The following ANKRD2 variants were observed in gnomAD, a reference collection of about 807,000 sequenced individuals.
The protein encoded by ANKRD2 is ankyrin repeat domain 2.
A neutral mutation model predicts 37.3 loss-of-function variants in ANKRD2; 35 were observed. The ratio of observed to expected loss-of-function variants is 0.94; its 90% confidence interval spans 0.72 to 1.24. The LOEUF (loss-of-function observed/expected upper bound fraction) is 1.24, where lower values mean the gene tolerates loss of function less well. ANKRD2 is among the 50% of genes most tolerant of loss of function. The probability of loss-of-function intolerance (pLI) is 0.00; values close to 1 mark genes in which losing one functional copy is unlikely to be tolerated. For synonymous variants in ANKRD2, 159 were observed against 186.5 expected (o/e 0.85, Z 1.20); for missense variants, 410 against 445.6 (o/e 0.92, Z 0.72).
Position 97,578,344 on chromosome 10 carries a change from G to C in ANKRD2, c.294G>C (p.Lys98Asn). The stretch of plus-strand genomic sequence containing the variant: ...AGCTGCGGAAGAAACGCAAGCAGAA[G>C]AAGCGGGACGCTCTGGCCGCCTCGC... ...LIELRKKRKQKKRDALAASHE... is the reference protein window; with the variant it reads ...LIELRKKRKQNKRDALAASHE... The change falls in exon 3 of 9, where the codon AAG (lysine) becomes AAC (asparagine). Residue 98 changes from lysine to asparagine, a missense_variant. Coordinates refer to ENST00000370655, the MANE Select transcript of ANKRD2 (RefSeq NM_001346793.2). 1.2e-6 allele frequency: 2 copies of C among 1,613,626 alleles called. No homozygotes were observed. The highest frequency in any genetic ancestry group is 1.7e-6 in the Non-Finnish European group (2 of 1,179,924).
At chr10:97,582,790 T>A in intron 8 of ANKRD2, 88 bp downstream of exon 8, 1 of 1,172,348 alleles carries the variant, frequency 8.5e-7, no homozygotes, top group South Asian at 1.3e-5. Context: ...AGCCCCCGCC[T>A]AGGGACATGT....
chr10:97,572,782 G>A lies in ANKRD2; in HGVS notation c.-7G>A, dbSNP rs2040775516. The A allele has an allele frequency of 6.3e-7, 1 of 1,594,126 alleles. No homozygotes were observed. On this transcript the variant is annotated 5_prime_UTR_variant, in exon 1 of 9. Coordinates refer to ENST00000370655, the MANE Select transcript of ANKRD2 (RefSeq NM_001346793.2). ...CCCCCGAGGCCCTGTGGCCTGCAGA[G>A]GCGGTTATGGACGGCACCATGGAGG...
chr10:97,577,980 G>A, intron 2 of ANKRD2, 79 bp downstream of exon 2: 1 of 1,381,614 alleles, frequency 7.2e-7, no homozygotes, highest in Non-Finnish European at 9.8e-7. Flanking sequence ...CTCCCCACGT[G>A]GCCCATGGAC....
chr10:97,583,486 G>T, intron 8 of ANKRD2, 90 bp from the exon 9 acceptor site: 1 of 1,256,392 alleles, frequency 8.0e-7, no homozygotes, highest in South Asian at 1.5e-5. Context: ...AGCACTGGTG[G>T]TGTCAATGAG....
At chr10:97,573,839 C>T (rs529487669) in intron 1 of ANKRD2, among the ~76,000 whole-genome samples, 1 of 152,152 alleles carries the variant, frequency 6.6e-6, no homozygotes. Context: ...TTCTTTTTAC[C>T]AACCCAGGAT....
chr10:97,578,824 C>T (rs192167040), intron 4 of ANKRD2, among the ~76,000 whole-genome samples: 121 of 152,294 alleles, frequency 7.9e-4, no homozygotes, highest in Non-Finnish European at 1.4e-3. Flanking sequence ...TGCAGAGCAA[C>T]AAATGTCACA....
Position 97,578,255 on chromosome 10 carries a change from C to A in ANKRD2, c.205C>A (p.Arg69Ser). 1.2e-6 allele frequency: 2 copies of A among 1,604,586 alleles called. No individual in the cohort carries two copies. Among genetic ancestry groups the A allele is most frequent in the Non-Finnish European group, 8.5e-7 (1 of 1,175,240 alleles). ...LQKVKGQERV[R>S]KTSLDLRREI... is the part of the protein sequence containing the mutation. ...TCCCGCGCAGGGCCAAGAGCGCGTG[C>A]GCAAGACGTCCCTGGACCTGCGGCG... The change falls in exon 3 of 9, where the codon CGC becomes AGC. Residue 69 changes from arginine (R) to serine (S), a missense_variant. Arg to Ser is a moderately radical substitution (Grantham distance 110). Coordinates refer to ENST00000370655, the MANE Select transcript of ANKRD2 (RefSeq NM_001346793.2).
At chr10:97,578,637 C>T (rs1292627022) in intron 4 of ANKRD2, 32 bp downstream of exon 4, 1 of 1,502,312 alleles carries the variant, frequency 6.7e-7, no homozygotes, top group East Asian at 2.5e-5. Context: ...GACCAGCCTC[C>T]CTGTCAGTTG....
At position 97,582,606 on chromosome 10, in the gene ANKRD2, A is replaced by G. The variant is rs1273472108; in HGVS notation, c.756A>G (p.Glu252=). The part of the protein sequence containing the change: ...LGLEINARDR[E]GDTALHDAVR... ...AGTGAGTGCCACACTGACTCTAGGAAGGGGATACTGCCCTGCATGACGCTG... is the reference window on the plus strand; with the variant it reads ...AGTGAGTGCCACACTGACTCTAGGAGGGGGATACTGCCCTGCATGACGCTG... Residue 252 remains glutamate, a splice_region_variant and synonymous_variant, in exon 8 of 9, where the codon GAA becomes GAG. Transcript: ENST00000370655. 6.2e-7 allele frequency: 1 copy of G among 1,614,014 alleles called. No individual in the cohort carries two copies. Among genetic ancestry groups the G allele is most frequent in the South Asian group, 1.1e-5 (1 of 91,082 alleles).
At chr10:97,580,450 G>A (rs956002650) in intron 4 of ANKRD2, among the ~76,000 whole-genome samples, 9 of 152,164 alleles carry the variant, frequency 5.9e-5, no homozygotes, top group African/African-American at 1.9e-4. Flanking sequence ...ACCTGCCCTC[G>A]AACACACTCT....
chr10:97,578,378 C>A lies in ANKRD2; in HGVS notation c.328C>A (p.Pro110Thr). The change falls in exon 3 of 9, where the codon CCC becomes ACC. Residue 110 changes from proline (P) to threonine (T), a missense_variant. Physicochemically the swap from Pro to Thr is conservative, Grantham distance 38. Coordinates refer to ENST00000370655, the MANE Select transcript of ANKRD2 (RefSeq NM_001346793.2). ...CGCTCTGGCCGCCTCGCATGAGCCG[C>A]CCCCAGAGCCCGAGGAGATCGTAAG... The part of the protein sequence containing the change: ...RDALAASHEP[P>T]PEPEEITGPV... 1 of 1,613,746 alleles carries A rather than the reference C, an allele frequency of 6.2e-7. No individual in the cohort carries two copies. Among genetic ancestry groups the A allele is most frequent in the Non-Finnish European group, 8.5e-7 (1 of 1,179,886 alleles).
intron 7 of ANKRD2, 49 bp downstream of exon 7, chr10:97,582,462 C>A (rs764090299): frequency 1.3e-6 from 2 of 1,590,496 alleles, no homozygotes; most frequent in South Asian, 1.1e-5. Context: ...GTGTGGGCAG[C>A]CTGCGGGCCC....
chr10:97,573,011 C>G, intron 1 of ANKRD2, 136 bp downstream of exon 1: 1 of 1,184,436 alleles, frequency 8.4e-7, no homozygotes, highest in Non-Finnish European at 1.2e-6. Context: ...GGGCCTCATT[C>G]CTGTCCCAGG....
upstream of ANKRD2, chr10:97,572,636 CT>C: frequency 6.6e-7 from 1 of 1,513,564 alleles, no homozygotes; most frequent in Non-Finnish European, 8.9e-7. Context: ...CTGGCTCCCC[CT>C]GCTCCCTGGG....
intron 1 of ANKRD2, among the ~76,000 whole-genome samples, chr10:97,576,668 T>TTTTATTA (rs1554870573): frequency 5.0e-5 from 7 of 140,466 alleles, no homozygotes; most frequent in Non-Finnish European, 1.1e-4. Context: ...TTAAAACTTA[T>TTTTATTA]TTTATTTATT....
intron 8 of ANKRD2, 54 bp from the exon 9 acceptor site, chr10:97,583,522 A>G: frequency 6.7e-7 from 1 of 1,495,964 alleles, no homozygotes; most frequent in East Asian, 2.5e-5. Flanking sequence ...AGCCTTCAGG[A>G]CAGTTAACAG....
chr10:97,572,805 A>C lies in ANKRD2; in HGVS notation c.17A>C (p.Glu6Ala). ...GAGGCGGTTATGGACGGCACCATGG[A>C]GGACTCCGAGGCGGTGCAGAGGGCC... MDGTM[E>A]DSEAVQRATA... Residue 6 changes from glutamate (E) to alanine (A), a missense_variant, in exon 1 of 9, where the codon GAG becomes GCG. By Grantham distance (107) the Glu-to-Ala change is moderately radical. Coordinates refer to ENST00000370655, the MANE Select transcript of ANKRD2 (RefSeq NM_001346793.2). The C allele has an allele frequency of 6.3e-7, 1 of 1,577,348 alleles. No individual in the cohort carries two copies. The highest frequency in any genetic ancestry group is 8.6e-7 in the Non-Finnish European group (1 of 1,161,904).
At chr10:97,581,452 TGG>T in intron 6 of ANKRD2, 38 bp downstream of exon 6, 1 of 1,603,674 alleles carries the variant, frequency 6.2e-7, no homozygotes, top group Non-Finnish European at 8.5e-7. Context: ...GATATTGGGG[TGG>T]CTGTGGGGAG....
intron 2 of ANKRD2, 87 bp from the exon 3 acceptor site, chr10:97,578,153 A>T (rs1364857693): frequency 4.8e-6 from 1 of 209,822 alleles, no homozygotes; most frequent in Non-Finnish European, 9.1e-6. Flanking sequence ...TGCCCACCCC[A>T]CCCTCCCCAC....
Sources: gnomAD v4.1 joint callset for allele counts (sites outside exome capture counted in the v4.1 genomes callset) on GRCh38, gnomAD v4.1.1 for gene constraint, MANE v1.5 for transcripts, NCBI Gene and HGNC (gene_info 2026-07-23, HGNC 2026-07-21) for gene names.